The following CDC23 variants were observed in gnomAD, a reference collection of about 807,000 sequenced individuals.
CDC23 encodes the protein cell division cycle 23, also known as cell division cycle protein 23 homolog.
CDC23 carries 26 observed loss-of-function variants against 81.7 expected under a neutral mutation model. The observed-to-expected ratio is 0.32, with a 90% CI of 0.23 to 0.44. The LOEUF (loss-of-function observed/expected upper bound fraction) is 0.44, where lower values mean the gene tolerates loss of function less well. Ranked by LOEUF, CDC23 falls within the 20% of genes least tolerant of loss-of-function variation. CDC23 has a pLI of 1.00. For synonymous variants in CDC23, 267 were observed against 270.8 expected (o/e 0.99, Z 0.14); for missense variants, 519 against 728.0 (o/e 0.71, Z 3.30).
chr5:138,191,353 C>A, intron 13 of CDC23, 121 bp downstream of exon 13: 2 of 870,528 alleles, frequency 2.3e-6, no homozygotes, highest in East Asian at 4.8e-5. Flanking sequence ...ATTCACACAC[C>A]CTGCTACATC....
At chr5:138,191,711 C>T in intron 12 of CDC23, 151 bp downstream of exon 12, 4 of 911,684 alleles carry the variant, frequency 4.4e-6, no homozygotes, top group South Asian at 4.3e-5. Flanking sequence ...TGACCTTGGC[C>T]CAGCTTTGCT....
At position 138,187,690 on chromosome 5, in the gene CDC23, A is replaced by T. The variant is rs544819469; in HGVS notation, c.*1288T>A. On this transcript the variant is annotated 3_prime_UTR_variant, in exon 16 of 16. Coordinates refer to ENST00000394886, the MANE Select transcript of CDC23 (RefSeq NM_004661.4). The stretch of plus-strand genomic sequence containing the variant: ...TTTATTGAATTCCAAATGTAGCAAA[A>T]TCATTAAAACAAATTATAAAAGGGA... 1.4e-4 allele frequency: 41 copies of T among 295,766 alleles called. No homozygotes were observed. The highest frequency in any genetic ancestry group is 8.5e-4 in the African/African-American group (39 of 45,800). 18.3% of individuals were successfully genotyped at this position (295,766 alleles called of 1,614,324 possible).
At chr5:138,197,957 T>G (rs148375307) in intron 9 of CDC23, among the ~76,000 whole-genome samples, 1 of 151,928 alleles carries the variant, frequency 6.6e-6, no homozygotes, top group East Asian at 1.9e-4. Context: ...CTTGTTGGTT[T>G]GTTTGTTTGT....
intron 3 of CDC23, among the ~76,000 whole-genome samples, chr5:138,203,112 A>T (rs1755006931): frequency 6.6e-6 from 1 of 152,212 alleles, no homozygotes; most frequent in Admixed American, 6.5e-5. Flanking sequence ...AGAATGTTCT[A>T]TTAACAAAAG....
chr5:138,202,091 G>A (rs761651603), intron 4 of CDC23, 22 bp downstream of exon 4: 1 of 1,597,514 alleles, frequency 6.3e-7, no homozygotes, highest in South Asian at 1.1e-5. Context: ...TAGGTCAAAA[G>A]GTAAAAGAAA....
chr5:138,195,581 ATTATATATAATATAT>A (rs1754880793), intron 9 of CDC23, among the ~76,000 whole-genome samples: 1 of 68,546 alleles, frequency 1.5e-5, no homozygotes, highest in Admixed American at 2.7e-4. Context: ...TATATAATAT[ATTATATATAATATAT>A]ATTATATATG....
chr5:138,200,815 G>A (rs186974044), intron 6 of CDC23: 60 of 297,152 alleles, frequency 2.0e-4, no homozygotes, highest in African/African-American at 9.8e-4. Context: ...GCAAGACTCC[G>A]TCTCAAACAA....
intron 9 of CDC23, among the ~76,000 whole-genome samples, chr5:138,195,722 GTA>G (rs869265284): frequency 0.024 from 1,284 of 52,414 alleles, 26 homozygotes; most frequent in African/African-American, 0.068. Context: ...TAATATATAT[GTA>G]TATATATACA....
intron 3 of CDC23, among the ~76,000 whole-genome samples, chr5:138,204,500 A>G (rs957178538): frequency 7.6e-6 from 1 of 131,542 alleles, no homozygotes; most frequent in Non-Finnish European, 1.7e-5. Context: ...GAAAGACTCC[A>G]TTTCAAAAAA....
At position 138,189,027 on chromosome 5, in the gene CDC23, G is replaced by A; in HGVS notation, c.1745C>T (p.Thr582Ile). Residue 582 changes from threonine to isoleucine, a missense_variant, in exon 16 of 16, where the codon ACC becomes ATC. Coordinates refer to ENST00000394886, the MANE Select transcript of CDC23 (RefSeq NM_004661.4). ...GAGTGGAGAAACTCTGCGTGTGGGG[G>A]TATTGTTAGCAGAGAGTGAAGCAGG... ...FLPASLSANNTPTRRVSPLNL... is the reference protein window; with the variant it reads ...FLPASLSANNIPTRRVSPLNL... The A allele has an allele frequency of 6.2e-7, 1 of 1,614,098 alleles. No individual in the cohort carries two copies. Among genetic ancestry groups the A allele is most frequent in the Non-Finnish European group, 8.5e-7 (1 of 1,179,998 alleles).
rs1292725270 is a variant in CDC23, at chr5:138,192,558, A to G, written c.1112T>C (p.Met371Thr). The change falls in exon 10 of 16, where the codon ATG becomes ACG. Residue 371 changes from methionine to threonine, a missense_variant. This residue lies in a region of CDC23 where 175 missense variants were observed against 337.8 expected (regional missense o/e 0.52). Coordinates refer to ENST00000394886, the MANE Select transcript of CDC23 (RefSeq NM_004661.4). ...CTTCATCTCCATGTACTCATGTCCC[A>G]TTAGTGTCCAGGCACCAAGATACCG... ...NPRYLGAWTLMGHEYMEMKNT... is the reference protein window; with the variant it reads ...NPRYLGAWTLTGHEYMEMKNT... 1 of 1,614,112 alleles carries G rather than the reference A, an allele frequency of 6.2e-7. No individual in the cohort carries two copies. Among genetic ancestry groups the G allele is most frequent in the Non-Finnish European group, 8.5e-7 (1 of 1,180,046 alleles).
intron 13 of CDC23, among the ~76,000 whole-genome samples, chr5:138,190,466 G>GAAAAAA (rs79994187): frequency 1.6e-5 from 1 of 61,834 alleles, no homozygotes; most frequent in Admixed American, 1.6e-4. Context: ...TCCAAAAAAA[G>GAAAAAA]AAAAAAAAAA....
chr5:138,195,593 AT>A (rs1192552367), intron 9 of CDC23, among the ~76,000 whole-genome samples: 27 of 114,988 alleles, frequency 2.3e-4, no homozygotes, highest in East Asian at 9.8e-4. Context: ...TATATATAAT[AT>A]ATATTATATA....
At chr5:138,200,546 G>C (rs112859542) in intron 6 of CDC23, among the ~76,000 whole-genome samples, 1 of 152,220 alleles carries the variant, frequency 6.6e-6, no homozygotes, top group South Asian at 2.1e-4. Context: ...TAGGCTGGGC[G>C]TGGTGGTTCA....
At chr5:138,195,651 TATTA>T (rs1367812231) in intron 9 of CDC23, among the ~76,000 whole-genome samples, 6 of 115,928 alleles carry the variant, frequency 5.2e-5, no homozygotes, top group African/African-American at 2.0e-4. Context: ...ATATAATATA[TATTA>T]TATACATATA....
At position 138,213,054 on chromosome 5, in the gene CDC23, C is replaced by A; in HGVS notation, c.171G>T (p.Glu57Asp). Residue 57 changes from glutamate (E) to aspartate (D), a missense_variant, in exon 2 of 16, where the codon GAG (glutamate) becomes GAT (aspartate). Around this residue, in one of 4 missense-constraint regions of CDC23, gnomAD observed 126 missense variants for 116.2 expected, o/e 1.08. Transcript: ENST00000394886. ...GCAATGCAGGGAGAGAGAAAGCCAACTCCGCCGACCTGGAACACCCACACA... is the reference window on the plus strand; with the variant it reads ...GCAATGCAGGGAGAGAGAAAGCCAAATCCGCCGACCTGGAACACCCACACA... ...GLLHSSKWSA[E>D]LAFSLPALPL... The A allele has an allele frequency of 6.2e-7, 1 of 1,614,070 alleles. No individual in the cohort carries two copies. The highest frequency in any genetic ancestry group is 8.5e-7 in the Non-Finnish European group (1 of 1,179,980).
chr5:138,197,304 CAA>C (rs33974714), intron 9 of CDC23, among the ~76,000 whole-genome samples: 5 of 58,348 alleles, frequency 8.6e-5, no homozygotes, highest in Non-Finnish European at 1.2e-4. Context: ...ACTCTGTCAC[CAA>C]AAAAAAAAAA....
chr5:138,199,099 G>A (rs1198089834), intron 6 of CDC23, among the ~76,000 whole-genome samples: 1 of 152,108 alleles, frequency 6.6e-6, no homozygotes, highest in African/African-American at 2.4e-5. Context: ...CATAAGGAGA[G>A]GCAAAACAGT....
At chr5:138,211,403 C>T (rs1298071817) in intron 2 of CDC23, among the ~76,000 whole-genome samples, 2 of 152,060 alleles carry the variant, frequency 1.3e-5, no homozygotes, top group Admixed American at 6.6e-5. Context: ...AACTATCTGG[C>T]CAGGTCCCAG....
Sources: gnomAD v4.1 joint callset for allele counts (sites outside exome capture counted in the v4.1 genomes callset) on GRCh38, gnomAD v4.1.1 for gene constraint, gnomAD v4.1.1 regional missense constraint, MANE v1.5 for transcripts, NCBI Gene and HGNC (gene_info 2026-07-23, HGNC 2026-07-21) for gene names.